The following SCARA3 variants were observed in gnomAD, a reference collection of about 807,000 sequenced individuals.
SCARA3 encodes scavenger receptor class A member 3.
Under a neutral mutation model 47.0 loss-of-function variants are expected in SCARA3, and 39 were observed. That is an observed-to-expected ratio of 0.83 (90% CI 0.64 to 1.08). The LOEUF is 1.08. Ranked by LOEUF, SCARA3 falls within the 50% of genes least tolerant of loss-of-function variation. The pLI is 0.00. For missense variants in SCARA3, 724 were observed against 792.3 expected, an observed-to-expected ratio of 0.91 and a Z score of 1.04; for synonymous variants, 356 against 334.1, an observed-to-expected ratio of 1.07 and a Z score of -0.71.
In SCARA3 at chr8:27,641,500, C is replaced by G. The variant is rs537399766; in HGVS notation, c.7+7293C>G. Among the ~76,000 whole-genome samples the G allele has an allele frequency of 3.3e-5, 5 of 152,350 alleles. No homozygotes were observed. In the South Asian group the frequency reaches 1.0e-3, roughly 32 times the overall value. On this transcript the variant is annotated intron_variant, in intron 1 of 5. Coordinates refer to ENST00000301904, the MANE Select transcript of SCARA3 (RefSeq NM_016240.3). ...GCTGAAGCCAAATGCATGCCCCCCT[C>G]TGACACTCTCCTGCAGCTCCAGGCT...
intron 1 of SCARA3, among the ~76,000 whole-genome samples, chr8:27,644,177 C>A (rs1585274410): frequency 6.6e-6 from 1 of 152,206 alleles, no homozygotes; most frequent in African/African-American, 2.4e-5. Flanking sequence ...TTTCAAATTT[C>A]TAGTGGTCAC....
At chr8:27,725,037 C>A in the SCARA3 span, among the ~76,000 whole-genome samples, 1 of 152,168 alleles carries the variant, frequency 6.6e-6, no homozygotes, top group Non-Finnish European at 1.5e-5. Context: ...GTAATCCTAA[C>A]ACTCTGGGAG....
At chr8:27,709,950 A>G in the SCARA3 span, among the ~76,000 whole-genome samples, 2 of 152,160 alleles carry the variant, frequency 1.3e-5, no homozygotes, top group African/African-American at 4.8e-5. Context: ...ATTACAGAAA[A>G]TCAAAGAGAG....
At chr8:27,660,532 G>GAGATAGATAGATAGATAGATAGAT (rs11374289) in intron 5 of SCARA3, among the ~76,000 whole-genome samples, 4 of 147,700 alleles carry the variant, frequency 2.7e-5, no homozygotes, top group African/African-American at 1.0e-4. Flanking sequence ...AGATAGAGAT[G>GAGATAGATAGATAGATAGATAGAT]AGATAGATAG....
chr8:27,702,206 T>C, the SCARA3 span: 4 of 152,328 alleles, frequency 2.6e-5, no homozygotes, highest in Middle Eastern at 3.4e-3. Flanking sequence ...GGAAAGCAGA[T>C]AAACAACTGA....
chr8:27,690,743 TGTA>T, the SCARA3 span, among the ~76,000 whole-genome samples: 2 of 152,196 alleles, frequency 1.3e-5, no homozygotes, highest in African/African-American at 4.8e-5. Context: ...TCACCCAGGC[TGTA>T]GTGCAGTGGC....
chr8:27,671,943 C>G lies in SCARA3; in HGVS notation c.*592C>G. The G allele has an allele frequency of 1.0e-6, 1 of 985,448 alleles. No homozygotes were observed. The highest frequency in any genetic ancestry group is 1.2e-6 in the Non-Finnish European group (1 of 829,968). 61.0% of individuals were successfully genotyped at this position (985,448 alleles called of 1,614,324 possible). A position where few individuals can be genotyped will look rare whatever the true frequency, so the allele number is the denominator to read the frequency against. On this transcript the variant is annotated 3_prime_UTR_variant, in exon 6 of 6. Coordinates refer to ENST00000301904, the MANE Select transcript of SCARA3 (RefSeq NM_016240.3). ...CTGAGCCTGCCAGGGAGGCAGCTAC[C>G]TCGGGAGGAAGGTCTCACATCTGTC...
intron 1 of SCARA3, among the ~76,000 whole-genome samples, chr8:27,646,987 A>G (rs1175044910): frequency 5.3e-5 from 1 of 18,750 alleles, no homozygotes; most frequent in African/African-American, 2.4e-4. Context: ...CCCCCCGCAC[A>G]CACACACTAT....
chr8:27,634,620 C>T (rs1399107730), intron 1 of SCARA3, among the ~76,000 whole-genome samples: 2 of 152,182 alleles, frequency 1.3e-5, no homozygotes, highest in Non-Finnish European at 2.9e-5. Flanking sequence ...CAACCGGGGG[C>T]CAGGCCTAGG....
downstream of SCARA3, among the ~76,000 whole-genome samples, chr8:27,681,464 G>A (rs537365448): frequency 1.3e-5 from 2 of 152,026 alleles, no homozygotes; most frequent in Non-Finnish European, 1.5e-5. Context: ...TGGCTTACTC[G>A]CATAATCCCA....
downstream of SCARA3, among the ~76,000 whole-genome samples, chr8:27,677,594 A>G (rs1473316107): frequency 6.6e-6 from 1 of 152,246 alleles, no homozygotes; most frequent in Non-Finnish European, 1.5e-5. Flanking sequence ...TCTAGACTAC[A>G]GTAACAAAGC....
chr8:27,669,166 C>T (rs1375964388), intron 5 of SCARA3, among the ~76,000 whole-genome samples: 1 of 152,104 alleles, frequency 6.6e-6, no homozygotes, highest in East Asian at 1.9e-4. Context: ...AATGCCCACC[C>T]AGACAGGGAG....
At chr8:27,690,744 G>A in the SCARA3 span, among the ~76,000 whole-genome samples, 1 of 152,282 alleles carries the variant, frequency 6.6e-6, no homozygotes, top group Non-Finnish European at 1.5e-5. Context: ...CACCCAGGCT[G>A]TAGTGCAGTG....
chr8:27,674,754 G>A (rs1480201683), downstream of SCARA3, among the ~76,000 whole-genome samples: 2 of 135,486 alleles, frequency 1.5e-5, no homozygotes, highest in African/African-American at 5.4e-5. Context: ...TTTTGAGATG[G>A]AGTCTTGCTC....
chr8:27,634,789 A>C (rs942284599), intron 1 of SCARA3, among the ~76,000 whole-genome samples: 17 of 151,952 alleles, frequency 1.1e-4, no homozygotes, highest in African/African-American at 4.1e-4. Context: ...GCCAGGACTG[A>C]CCTCTCCCCA....
chr8:27,648,411 T>C (rs1442518224), intron 1 of SCARA3, among the ~76,000 whole-genome samples: 1 of 152,182 alleles, frequency 6.6e-6, no homozygotes, highest in Non-Finnish European at 1.5e-5. Flanking sequence ...GAGACCATCC[T>C]GGCTAACATG....
At position 27,650,966 on chromosome 8, in the gene SCARA3, C is replaced by A. The variant is rs542824375; in HGVS notation, c.107-542C>A. On this transcript the variant is annotated intron_variant, in intron 2 of 5. Transcript: ENST00000301904. ...CCTCAAACTCCTGGGCTCAAGTGATCCCCCTGCCTCAGCCTCCTCAAGTGC... is the reference window on the plus strand; with the variant it reads ...CCTCAAACTCCTGGGCTCAAGTGATACCCCTGCCTCAGCCTCCTCAAGTGC... 2.0e-5 allele frequency among the ~76,000 whole-genome samples: 3 copies of A among 152,264 alleles called. No individual in the cohort carries two copies. The East Asian group carries it at 5.8e-4, about 29-fold the overall frequency.
chr8:27,641,721 A>G (rs1223085721), intron 1 of SCARA3, among the ~76,000 whole-genome samples: 3 of 152,216 alleles, frequency 2.0e-5, no homozygotes, highest in African/African-American at 7.2e-5. Flanking sequence ...AAGGGGCTTG[A>G]GATCAAGCAG....
chr8:27,667,837 C>A (rs733077), intron 5 of SCARA3, among the ~76,000 whole-genome samples: 15,749 of 152,206 alleles, frequency 0.1, 908 homozygotes, highest in East Asian at 0.26. Context: ...GTCGGCACCA[C>A]AGGCACCTGT....
Sources: allele counts gnomAD v4.1 joint callset (sites outside exome capture counted in the v4.1 genomes callset), GRCh38; gene constraint gnomAD v4.1.1; transcripts MANE v1.5; gene names NCBI Gene and HGNC (gene_info 2026-07-23, HGNC 2026-07-21).